The following NSMCE2 variants were observed in gnomAD, a reference collection of about 807,000 sequenced individuals.
The protein encoded by NSMCE2 is E3 SUMO-protein ligase NSE2.
NSMCE2 carries 24 observed loss-of-function variants against 23.8 expected under a neutral mutation model. The ratio of observed to expected loss-of-function variants is 1.01; its 90% CI spans 0.73 to 1.42. The LOEUF (loss-of-function observed/expected upper bound fraction) is 1.42, where lower values mean the gene tolerates loss of function less well. Among genes scored for constraint, NSMCE2 ranks in the 40% most tolerant of loss-of-function variants. NSMCE2 has a pLI of 0.00. For synonymous variants in NSMCE2, 92 were observed against 94.1 expected, an observed-to-expected ratio of 0.98 and a Z score of 0.13; for missense variants, 284 against 296.5, an observed-to-expected ratio of 0.96 and a Z score of 0.31.
chr8:125,134,750 CGG>C (rs1258890406), intron 3 of NSMCE2, among the ~76,000 whole-genome samples: 2 of 117,040 alleles, frequency 1.7e-5, no homozygotes, highest in East Asian at 5.1e-4. Context: ...TTTTAAGAGT[CGG>C]GGTCTTGCTC....
intron 7 of NSMCE2, among the ~76,000 whole-genome samples, chr8:125,364,086 G>A (rs1269068324): frequency 6.6e-6 from 1 of 152,076 alleles, no homozygotes; most frequent in Non-Finnish European, 1.5e-5. Flanking sequence ...TGGGATTACA[G>A]GCATGCGCCA....
intron 5 of NSMCE2, among the ~76,000 whole-genome samples, chr8:125,356,296 G>A (rs1813272558): frequency 6.6e-6 from 1 of 150,806 alleles, no homozygotes; most frequent in East Asian, 1.9e-4. Flanking sequence ...AACACGTAGT[G>A]GGATTATTAC....
At chr8:125,262,161 C>T (rs147110451) in intron 5 of NSMCE2, among the ~76,000 whole-genome samples, 4 of 151,680 alleles carry the variant, frequency 2.6e-5, no homozygotes, top group Non-Finnish European at 2.9e-5. Flanking sequence ...TGCGATGGCT[C>T]ACACCTGTAA....
chr8:125,122,586 A>C (rs1461275752), intron 3 of NSMCE2, among the ~76,000 whole-genome samples: 1 of 152,024 alleles, frequency 6.6e-6, no homozygotes, highest in East Asian at 1.9e-4. Flanking sequence ...GAGTGCTTTG[A>C]GGGCACCAAT....
At chr8:125,298,528 G>A (rs1028729052) in intron 5 of NSMCE2, among the ~76,000 whole-genome samples, 3 of 152,106 alleles carry the variant, frequency 2.0e-5, no homozygotes, top group African/African-American at 4.8e-5. Flanking sequence ...CTGATGCTGC[G>A]CCTCATTAGC....
intron 5 of NSMCE2, among the ~76,000 whole-genome samples, chr8:125,262,170 A>G (rs956452418): frequency 2.0e-5 from 3 of 152,058 alleles, no homozygotes; most frequent in African/African-American, 7.2e-5. Context: ...TCACACCTGT[A>G]ATCCCAGCAC....
At chr8:125,243,150 AG>A (rs1255494968) in intron 5 of NSMCE2, among the ~76,000 whole-genome samples, 1 of 152,206 alleles carries the variant, frequency 6.6e-6, no homozygotes, top group Non-Finnish European at 1.5e-5. Context: ...GATGCAGTTG[AG>A]GGGAGACAGG....
intron 5 of NSMCE2, among the ~76,000 whole-genome samples, chr8:125,209,756 A>G (rs987127662): frequency 6.6e-6 from 1 of 152,160 alleles, no homozygotes; most frequent in Non-Finnish European, 1.5e-5. Context: ...CATGTGGTGA[A>G]TTCTAGAGAA....
At chr8:125,276,763 T>C (rs1466040897) in intron 5 of NSMCE2, among the ~76,000 whole-genome samples, 2 of 152,248 alleles carry the variant, frequency 1.3e-5, no homozygotes, top group African/African-American at 4.8e-5. Context: ...GTGTTATTCC[T>C]GTTACAGACA....
At chr8:125,176,251 C>CTAGA (rs1480702387) in intron 4 of NSMCE2, among the ~76,000 whole-genome samples, 2 of 152,192 alleles carry the variant, frequency 1.3e-5, no homozygotes, top group African/African-American at 2.4e-5. Context: ...TCTGCTCTTG[C>CTAGA]TAGAGTCTCT....
At chr8:125,264,828 T>C (rs1245417810) in intron 5 of NSMCE2, among the ~76,000 whole-genome samples, 1 of 152,204 alleles carries the variant, frequency 6.6e-6, no homozygotes. Context: ...ATAATAATAC[T>C]GAAAAATGGC....
intron 5 of NSMCE2, among the ~76,000 whole-genome samples, chr8:125,212,709 G>T (rs1348569692): frequency 1.3e-5 from 2 of 152,148 alleles, no homozygotes; most frequent in African/African-American, 4.8e-5. Context: ...AATTTATTAA[G>T]ATAACATTTT....
In NSMCE2 at chr8:125,102,456, T is replaced by A. The variant is rs753007613; in HGVS notation, c.126T>A (p.Ser42=). 6.2e-7 allele frequency: 1 copy of A among 1,614,008 alleles called. No homozygotes were observed. The highest frequency in any genetic ancestry group is 1.1e-5 in the South Asian group (1 of 91,084). The change falls in exon 3 of 8, where the codon TCT becomes TCA. Residue 42 remains serine (S), a synonymous_variant. Transcript: ENST00000287437. ...TCAACTCTGGTATGGACACAGCTTC[T>A]AGTGTTGCTTTGGATCTTGTGGAAA... The part of the protein sequence containing the change: ...ACINSGMDTA[S]SVALDLVESQ...
intron 5 of NSMCE2, among the ~76,000 whole-genome samples, chr8:125,235,596 C>A (rs1210224603): frequency 6.6e-6 from 1 of 152,164 alleles, no homozygotes; most frequent in African/African-American, 2.4e-5. Context: ...TACACATATA[C>A]AATTCTATGT....
intron 5 of NSMCE2, among the ~76,000 whole-genome samples, chr8:125,250,760 C>T (rs1826170721): frequency 6.6e-6 from 1 of 152,200 alleles, no homozygotes. Context: ...AAGAGATCCT[C>T]CAACCTCAGC....
chr8:125,359,053 T>G (rs1255906689), intron 7 of NSMCE2, among the ~76,000 whole-genome samples: 1 of 151,650 alleles, frequency 6.6e-6, no homozygotes, highest in African/African-American at 2.4e-5. Flanking sequence ...GATCACGAGG[T>G]CAGGAGATAG....
At chr8:125,357,624 A>G (rs1813341059) in intron 6 of NSMCE2, 88 bp from the exon 7 acceptor site, 3 of 947,310 alleles carry the variant, frequency 3.2e-6, no homozygotes, top group East Asian at 4.8e-5. Context: ...ATGGGAAGTT[A>G]AACATAGAAA....
intron 5 of NSMCE2, among the ~76,000 whole-genome samples, chr8:125,276,336 T>C (rs1380701693): frequency 6.6e-6 from 1 of 152,220 alleles, no homozygotes; most frequent in East Asian, 1.9e-4. Context: ...TGTGTAGTTT[T>C]CCTGCCCTTC....
intron 3 of NSMCE2, among the ~76,000 whole-genome samples, chr8:125,145,820 G>T (rs1031116858): frequency 2.0e-5 from 3 of 152,158 alleles, no homozygotes; most frequent in African/African-American, 7.2e-5. Flanking sequence ...GTCTGGAGCT[G>T]CTTTCATCTC....
Sources: gnomAD v4.1 joint callset for allele counts (sites outside exome capture counted in the v4.1 genomes callset) on GRCh38, gnomAD v4.1.1 for gene constraint, MANE v1.5 for transcripts, NCBI Gene and HGNC (gene_info 2026-07-23, HGNC 2026-07-21) for gene names.